The following TMEM132B variants were observed in gnomAD, a reference collection of about 807,000 sequenced individuals.
TMEM132B encodes transmembrane protein 132B.
In TMEM132B, 18 loss-of-function variants were observed where a neutral mutation model predicts 90.8. The observed-to-expected ratio is 0.20, with a 90% CI of 0.14 to 0.29. The LOEUF (loss-of-function observed/expected upper bound fraction) is 0.29. TMEM132B is among the 10% of genes least tolerant of loss of function. The pLI is 1.00. For missense variants in TMEM132B, 1,096 were observed against 1,326.8 expected, an observed-to-expected ratio of 0.83 and a Z score of 2.70; for synonymous variants, 504 against 523.3, an observed-to-expected ratio of 0.96 and a Z score of 0.50.
rs773810390 is a variant in TMEM132B, at chr12:125,562,908, C to G, written c.1294-20943C>G. ...GTCTTGGGTATGTCTTTATCAGCAG[C>G]GTGATACCAGACTAATATATTAGGG... On this transcript the variant is annotated intron_variant, in intron 4 of 8. Coordinates refer to ENST00000682704, the MANE Select transcript of TMEM132B (RefSeq NM_001366854.1). 2.6e-5 allele frequency among the ~76,000 whole-genome samples: 4 copies of G among 152,112 alleles called. No individual in the cohort carries two copies. In the East Asian group the frequency reaches 7.7e-4, roughly 29 times the overall value.
At chr12:125,396,249 A>C (rs1879166317) in intron 2 of TMEM132B, among the ~76,000 whole-genome samples, 1 of 152,124 alleles carries the variant, frequency 6.6e-6, no homozygotes, top group Non-Finnish European at 1.5e-5. Context: ...AGTTTGTTGG[A>C]TGATTCTCAC....
At chr12:125,496,018 C>T (rs767762043) in intron 3 of TMEM132B, among the ~76,000 whole-genome samples, 1 of 152,136 alleles carries the variant, frequency 6.6e-6, no homozygotes, top group African/African-American at 2.4e-5. Flanking sequence ...CATTGAGATT[C>T]GCTGAAGTTG....
At chr12:125,230,684 T>C (rs1223647573) in intron 1 of TMEM132B, among the ~76,000 whole-genome samples, 24 of 150,778 alleles carry the variant, frequency 1.6e-4, no homozygotes, top group Non-Finnish European at 2.4e-4. Context: ...TTTTTTTTTT[T>C]CAGTAGAGAC....
At chr12:125,398,569 A>G (rs1879227952) in intron 2 of TMEM132B, among the ~76,000 whole-genome samples, 1 of 152,212 alleles carries the variant, frequency 6.6e-6, no homozygotes, top group Non-Finnish European at 1.5e-5. Flanking sequence ...GCCTTGGCTG[A>G]TGGAGCAGCT....
intron 3 of TMEM132B, among the ~76,000 whole-genome samples, chr12:125,436,268 A>C (rs1234854037): frequency 1.3e-5 from 2 of 152,148 alleles, no homozygotes; most frequent in Non-Finnish European, 2.9e-5. Context: ...TGGGATGGCC[A>C]AGGGAGTGAG....
chr12:125,412,814 A>G (rs1043397394), intron 2 of TMEM132B, among the ~76,000 whole-genome samples: 4 of 152,156 alleles, frequency 2.6e-5, no homozygotes, highest in Admixed American at 2.6e-4. Flanking sequence ...GCAGGGACAG[A>G]ACAGGATGCC....
chr12:125,205,646 CTCTG>C (rs922257759), intron 1 of TMEM132B, among the ~76,000 whole-genome samples: 7 of 152,364 alleles, frequency 4.6e-5, no homozygotes, highest in African/African-American at 1.7e-4. Context: ...TGCTGGGCCT[CTCTG>C]TCTGTCTCCA....
chr12:125,294,671 T>C (rs1007631509), intron 1 of TMEM132B, among the ~76,000 whole-genome samples: 3 of 152,174 alleles, frequency 2.0e-5, no homozygotes, highest in African/African-American at 4.8e-5. Flanking sequence ...AACGTGGAAA[T>C]TGAAGCTTAG....
chr12:125,253,525 C>T (rs547012640), intron 1 of TMEM132B, among the ~76,000 whole-genome samples: 36 of 151,436 alleles, frequency 2.4e-4, no homozygotes, highest in African/African-American at 8.5e-4. Flanking sequence ...ACCTCAACCT[C>T]CCAGGCTCAA....
chr12:125,186,480 C>T lies in TMEM132B; in HGVS notation c.-320C>T, dbSNP rs1363918691. ...GACCGGGATGGGACGGGCGCTGGGG[C>T]GCAGGAGCCGCGGCGGCGGCGGCGG... On this transcript the variant is annotated 5_prime_UTR_variant, in exon 1 of 9. Transcript: ENST00000682704. The surrounding 1 kb of genome is among the most constrained non-coding windows in gnomAD (Gnocchi z 6.3). 2.1e-5 allele frequency among the ~76,000 whole-genome samples: 3 copies of T among 145,508 alleles called. No individual in the cohort carries two copies. Among genetic ancestry groups the T allele is most frequent in the Admixed American group, 2.0e-4 (3 of 14,658 alleles).
intron 1 of TMEM132B, among the ~76,000 whole-genome samples, chr12:125,287,623 A>G (rs956703578): frequency 3.1e-4 from 47 of 152,184 alleles, no homozygotes; most frequent in Non-Finnish European, 1.3e-4. Flanking sequence ...GTAGAAGGAC[A>G]AAAAACGCAA....
chr12:125,355,292 T>C (rs1270952510), intron 2 of TMEM132B, among the ~76,000 whole-genome samples: 2 of 152,090 alleles, frequency 1.3e-5, no homozygotes, highest in Non-Finnish European at 2.9e-5. Flanking sequence ...TAGCAGAGAC[T>C]CAAAGGCAGG....
At chr12:125,332,738 C>T (rs1876823666) in intron 1 of TMEM132B, among the ~76,000 whole-genome samples, 2 of 152,030 alleles carry the variant, frequency 1.3e-5, no homozygotes, top group South Asian at 4.2e-4. Context: ...GCTAAAAACT[C>T]GTCTTACAGA....
intron 2 of TMEM132B, among the ~76,000 whole-genome samples, chr12:125,385,466 T>C (rs886788101): frequency 2.0e-5 from 3 of 152,214 alleles, no homozygotes; most frequent in African/African-American, 7.2e-5. Context: ...TTGTGGACCC[T>C]ATTGTTGGAG....
At chr12:125,569,802 C>T (rs983744521) in intron 4 of TMEM132B, among the ~76,000 whole-genome samples, 2 of 152,068 alleles carry the variant, frequency 1.3e-5, no homozygotes, top group Admixed American at 6.5e-5. Flanking sequence ...AGAAAATGGC[C>T]AACAACTGCT....
At chr12:125,551,738 T>C (rs377117214) in intron 4 of TMEM132B, among the ~76,000 whole-genome samples, 15 of 152,302 alleles carry the variant, frequency 9.8e-5, no homozygotes, top group South Asian at 4.1e-4. Flanking sequence ...TTCTCTCTTA[T>C]GCAAGGGCTG....
intron 5 of TMEM132B, chr12:125,584,820 G>A (rs965042309): frequency 3.9e-5 from 6 of 152,174 alleles, no homozygotes; most frequent in African/African-American, 1.4e-4. Context: ...TTGCAGCAGA[G>A]ACCTCAGGGA....
chr12:125,482,855 T>A (rs1413570223), intron 3 of TMEM132B, among the ~76,000 whole-genome samples: 2 of 152,088 alleles, frequency 1.3e-5, no homozygotes, highest in African/African-American at 4.8e-5. Flanking sequence ...CAAATGTCCA[T>A]CAATGATAGA....
In TMEM132B at chr12:125,408,683, T is replaced by C. The variant is rs2136335317; in HGVS notation, c.960-6848T>C. On this transcript the variant is annotated intron_variant, in intron 2 of 8. Coordinates refer to ENST00000682704, the MANE Select transcript of TMEM132B (RefSeq NM_001366854.1). The surrounding 1 kb of genome is among the most constrained non-coding windows in gnomAD (Gnocchi z 5.9). The stretch of plus-strand genomic sequence containing the variant: ...ATGGCAGGGCTGTCGTGCACCTTCT[T>C]GTATGTGTGTCTTGGGGAACAGGTG... Among the ~76,000 whole-genome samples, 1 of 152,322 alleles carries C rather than the reference T, an allele frequency of 6.6e-6. No individual in the cohort carries two copies. The highest frequency in any genetic ancestry group is 2.1e-4 in the South Asian group (1 of 4,824).
Sources: gnomAD v4.1 joint callset for allele counts (sites outside exome capture counted in the v4.1 genomes callset) on GRCh38, gnomAD v4.1.1 for gene constraint, Gnocchi (gnomAD v3.1) non-coding constraint, MANE v1.5 for transcripts, NCBI Gene and HGNC (gene_info 2026-07-23, HGNC 2026-07-21) for gene names.